Variants in WWC2 observed in about 807,000 individuals in gnomAD.
WWC2 encodes the protein WW and C2 domain containing 2, also known as protein WWC2.
In WWC2, 101 loss-of-function variants were observed where a neutral mutation model predicts 138.5. The ratio of observed to expected loss-of-function variants is 0.73; its 90% CI spans 0.62 to 0.86. WWC2 has a LOEUF of 0.86. Ranked by LOEUF, WWC2 falls within the 40% of genes least tolerant of loss-of-function variation. WWC2 has a pLI of 0.00. For synonymous variants in WWC2, 558 were observed against 538.4 expected (o/e 1.04, Z -0.50); for missense variants, 1,420 against 1,419.4 (o/e 1.00, Z -0.01).
At chr4:183,229,550 C>T (rs1269913108) in intron 4 of WWC2, among the ~76,000 whole-genome samples, 1 of 152,002 alleles carries the variant, frequency 6.6e-6, no homozygotes, top group African/African-American at 2.4e-5. Flanking sequence ...TGAATGTTTC[C>T]ATCACCAGGG....
chr4:183,193,818 T>C, intron 2 of WWC2, 110 bp downstream of exon 2: 1 of 920,212 alleles, frequency 1.1e-6, no homozygotes, highest in Non-Finnish European at 1.7e-6. Context: ...AAAACCCCAT[T>C]TTCTTAGTGA....
Position 183,281,081 on chromosome 4 carries a change from A to G in WWC2, c.2684+184A>G, listed in dbSNP as rs560133869. The G allele has an allele frequency of 2.8e-5, 22 of 777,616 alleles. No individual in the cohort carries two copies. The South Asian group carries it at 2.9e-4, about 10-fold the overall frequency. The allele number at this position is 777,616 out of a possible 1,614,324, so 48.2% of individuals were successfully genotyped here. A position where few individuals can be genotyped will look rare whatever the true frequency, so the allele number is the denominator to read the frequency against. ...GAGTTAAGGAAGTAATGGCAAGATT[A>G]TGGGCAAAGTTAAAACATTAGCCAG... On this transcript the variant is annotated intron_variant, in intron 17 of 22. Coordinates refer to ENST00000403733, the MANE Select transcript of WWC2 (RefSeq NM_024949.6).
chr4:183,169,304 A>C (rs1734212044), intron 1 of WWC2, among the ~76,000 whole-genome samples: 1 of 152,226 alleles, frequency 6.6e-6, no homozygotes, highest in African/African-American at 2.4e-5. Context: ...TGTTGCTATA[A>C]AGCTGTTAAG....
chr4:183,195,843 A>G (rs1448939526), intron 2 of WWC2, among the ~76,000 whole-genome samples: 2 of 152,032 alleles, frequency 1.3e-5, no homozygotes, highest in African/African-American at 2.4e-5. Context: ...GTTCTTGCTG[A>G]GGGCACCCGA....
intron 15 of WWC2, 127 bp downstream of exon 15, chr4:183,269,290 T>C (rs773168793): frequency 1.2e-5 from 11 of 915,590 alleles, no homozygotes; most frequent in African/African-American, 3.3e-5. Flanking sequence ...TTGGGATACA[T>C]CTAGTGTTTG....
chr4:183,164,300 A>G (rs1734051773), intron 1 of WWC2, among the ~76,000 whole-genome samples: 1 of 2,744 alleles, frequency 3.6e-4, no homozygotes, highest in Admixed American at 6.8e-3. Flanking sequence ...ATATATATAT[A>G]CATATATATA....
chr4:183,155,207 A>ATT (rs1733766573), intron 1 of WWC2, among the ~76,000 whole-genome samples: 1 of 103,638 alleles, frequency 9.6e-6, no homozygotes, highest in African/African-American at 3.3e-5. Context: ...AGAGAGAGAG[A>ATT]GAGAGAGAGA....
intron 1 of WWC2, among the ~76,000 whole-genome samples, chr4:183,142,308 A>T (rs779733980): frequency 6.6e-6 from 1 of 152,204 alleles, no homozygotes; most frequent in Non-Finnish European, 1.5e-5. Context: ...ACTGCAATAC[A>T]CATTTTCCTG....
intron 19 of WWC2, among the ~76,000 whole-genome samples, 159 bp downstream of exon 19, chr4:183,284,549 ATGGTCCCTTTTAGTT>A (rs1738183920): frequency 6.6e-6 from 1 of 152,182 alleles, no homozygotes. Context: ...TCACGTGCTT[ATGGTCCCTTTTAGTT>A]TGTTTGTTTT....
intron 17 of WWC2, among the ~76,000 whole-genome samples, chr4:183,282,063 A>G (rs1444104265): frequency 6.6e-6 from 1 of 152,214 alleles, no homozygotes; most frequent in Non-Finnish European, 1.5e-5. Context: ...GAATGTCTGC[A>G]TTCGGAGAAC....
intron 1 of WWC2, among the ~76,000 whole-genome samples, chr4:183,151,577 C>G (rs1374130829): frequency 6.6e-6 from 1 of 152,142 alleles, no homozygotes; most frequent in East Asian, 1.9e-4. Context: ...GCTTTTGTTG[C>G]CATTGCTTTT....
At chr4:183,292,032 T>TAAA (rs33964356) in intron 21 of WWC2, among the ~76,000 whole-genome samples, 28,550 of 145,018 alleles carry the variant, frequency 0.2, 3,209 homozygotes, top group Non-Finnish European at 0.26. Context: ...CAAAAAAAAT[T>TAAA]AAAAAAAAAA....
At chr4:183,202,043 A>G (rs912755702) in intron 2 of WWC2, among the ~76,000 whole-genome samples, 1 of 152,192 alleles carries the variant, frequency 6.6e-6, no homozygotes, top group Non-Finnish European at 1.5e-5. Flanking sequence ...AGGAGAAATC[A>G]TGGCCCAGAG....
chr4:183,144,409 T>A (rs1223438328), intron 1 of WWC2, among the ~76,000 whole-genome samples: 4 of 151,316 alleles, frequency 2.6e-5, no homozygotes, highest in Non-Finnish European at 3.0e-5. Context: ...CATTTTTTTT[T>A]ATTTAAAAAA....
rs1022737750 is a variant in WWC2, at chr4:183,282,947, A to C, written c.2883+41A>C. ...TGCTGTCTTAAAACTGATACCTTAC[A>C]GGCACCATGTGGACTAGGGAGATGC... is the stretch of plus-strand genomic sequence containing the variant. On this transcript the variant is annotated intron_variant, in intron 18 of 22. Coordinates refer to ENST00000403733, the MANE Select transcript of WWC2 (RefSeq NM_024949.6). The C allele has an allele frequency of 2.7e-6, 4 of 1,509,236 alleles. No individual in the cohort carries two copies. In the African/African-American group the frequency reaches 5.6e-5, roughly 21 times the overall value. The allele number at this position is 1,509,236 out of a possible 1,614,324, so 93.5% of individuals were successfully genotyped here. A position where few individuals can be genotyped will look rare whatever the true frequency, so the allele number is the denominator to read the frequency against.
chr4:183,230,679 TAA>T (rs1299277216), intron 4 of WWC2, among the ~76,000 whole-genome samples: 1 of 142,196 alleles, frequency 7.0e-6, no homozygotes, highest in Non-Finnish European at 1.5e-5. Context: ...AAACTCTGTC[TAA>T]AAAAAAAAAA....
intron 1 of WWC2, among the ~76,000 whole-genome samples, chr4:183,100,962 A>C (rs17354970): frequency 1.3e-5 from 2 of 152,220 alleles, no homozygotes; most frequent in Non-Finnish European, 2.9e-5. Context: ...AGTTGTTGTC[A>C]TAAACTTCAC....
chr4:183,122,255 A>G (rs1732627420), intron 1 of WWC2, among the ~76,000 whole-genome samples: 1 of 152,228 alleles, frequency 6.6e-6, no homozygotes. Flanking sequence ...ACAATAGGCC[A>G]TCTGTTAGTA....
chr4:183,148,292 T>C (rs1161199476), intron 1 of WWC2, among the ~76,000 whole-genome samples: 1 of 152,246 alleles, frequency 6.6e-6, no homozygotes, highest in Non-Finnish European at 1.5e-5. Flanking sequence ...ATATCATTGC[T>C]GATGAATAGT....
Sources: gnomAD v4.1 joint callset for allele counts (sites outside exome capture counted in the v4.1 genomes callset) on GRCh38, gnomAD v4.1.1 for gene constraint, MANE v1.5 for transcripts, NCBI Gene and HGNC (gene_info 2026-07-23, HGNC 2026-07-21) for gene names.